Variants in SCMH1 observed in about 807,000 individuals in gnomAD.
SCMH1 encodes Scm polycomb group protein homolog 1, also known as polycomb protein SCMH1.
SCMH1 carries 37 observed loss-of-function variants against 70.8 expected under a neutral mutation model. That is an observed-to-expected ratio of 0.52 (90% CI 0.40 to 0.69). The LOEUF (loss-of-function observed/expected upper bound fraction) is 0.69. SCMH1 is among the 30% of genes least tolerant of loss of function. The pLI is 0.00. For missense variants in SCMH1, 607 were observed against 827.3 expected (o/e 0.73, Z 3.27); for synonymous variants, 292 against 307.4 (o/e 0.95, Z 0.52).
chr1:41,136,256 T>C (rs1311541030), intron 6 of SCMH1, among the ~76,000 whole-genome samples: 1 of 152,188 alleles, frequency 6.6e-6, no homozygotes, highest in East Asian at 1.9e-4. Flanking sequence ...ATGTTTTCTA[T>C]ATCTGTTTAA....
At chr1:41,236,130 G>A (rs889592172) in intron 1 of SCMH1, among the ~76,000 whole-genome samples, 12 of 152,138 alleles carry the variant, frequency 7.9e-5, no homozygotes, top group Non-Finnish European at 1.5e-4. Context: ...TGTAGTTTAT[G>A]TGTATTTTCA....
At chr1:41,232,140 T>C (rs1202868877) in intron 1 of SCMH1, among the ~76,000 whole-genome samples, 1 of 152,174 alleles carries the variant, frequency 6.6e-6, no homozygotes, top group Non-Finnish European at 1.5e-5. Context: ...GTAAAGTTAT[T>C]ATATCTGTCA....
intron 6 of SCMH1, among the ~76,000 whole-genome samples, chr1:41,135,644 A>G (rs546739963): frequency 1.3e-5 from 2 of 152,340 alleles, no homozygotes; most frequent in South Asian, 4.1e-4. Context: ...TAGCAGCAGG[A>G]GAACGGACTA....
At chr1:41,169,221 GA>G (rs1646625843) in intron 2 of SCMH1, among the ~76,000 whole-genome samples, 1 of 152,166 alleles carries the variant, frequency 6.6e-6, no homozygotes, top group South Asian at 2.1e-4. Context: ...GAGACATGAC[GA>G]AACTCCTTCC....
At chr1:41,236,842 C>T (rs1034028343) in intron 1 of SCMH1, among the ~76,000 whole-genome samples, 1 of 152,182 alleles carries the variant, frequency 6.6e-6, no homozygotes, top group Admixed American at 6.5e-5. Context: ...ATGCAACCAT[C>T]CTTTTTCCAT....
chr1:41,135,966 C>A (rs1234219691), intron 6 of SCMH1, among the ~76,000 whole-genome samples: 1 of 147,320 alleles, frequency 6.8e-6, no homozygotes, highest in Admixed American at 6.9e-5. Flanking sequence ...TTTTTTGAGA[C>A]AGGATCTCAC....
chr1:41,105,830 AAC>A (rs1667748212), intron 8 of SCMH1, among the ~76,000 whole-genome samples: 1 of 151,932 alleles, frequency 6.6e-6, no homozygotes, highest in African/African-American at 2.4e-5. Context: ...GTCCTTCTAA[AAC>A]ACAAATCTGA....
At chr1:41,182,156 A>G (rs1648973143) in intron 2 of SCMH1, among the ~76,000 whole-genome samples, 1 of 152,192 alleles carries the variant, frequency 6.6e-6, no homozygotes, top group African/African-American at 2.4e-5. Context: ...CAATGAGAAC[A>G]CATGGACACA....
At chr1:41,062,141 C>T (rs1216603844) in intron 10 of SCMH1, among the ~76,000 whole-genome samples, 1 of 152,030 alleles carries the variant, frequency 6.6e-6, no homozygotes, top group Admixed American at 6.5e-5. Flanking sequence ...GCTGGGATTA[C>T]AGGCGTGAGC....
At chr1:41,238,334 G>C (rs981407216) in intron 1 of SCMH1, among the ~76,000 whole-genome samples, 1 of 152,142 alleles carries the variant, frequency 6.6e-6, no homozygotes, top group Non-Finnish European at 1.5e-5. Context: ...CACTTTCCAA[G>C]ACTAAGAACA....
intron 1 of SCMH1, among the ~76,000 whole-genome samples, chr1:41,189,241 G>A (rs1384510007): frequency 2.6e-5 from 4 of 152,090 alleles, no homozygotes; most frequent in Non-Finnish European, 5.9e-5. Context: ...CCTCTGCCTC[G>A]CGGGTTCCAG....
At chr1:41,032,477 G>A (rs1371024179) in intron 13 of SCMH1, among the ~76,000 whole-genome samples, 1 of 152,176 alleles carries the variant, frequency 6.6e-6, no homozygotes, top group Non-Finnish European at 1.5e-5. Flanking sequence ...AACACTAAGA[G>A]GCATGGATGT....
chr1:41,058,930 T>C (rs979077088), intron 10 of SCMH1, among the ~76,000 whole-genome samples: 5 of 152,202 alleles, frequency 3.3e-5, no homozygotes, highest in Non-Finnish European at 7.3e-5. Flanking sequence ...GTGTGGAGTT[T>C]AAGAGCTAGA....
At chr1:41,075,328 T>G in exon 9 of SCMH1, 1 of 1,614,180 alleles carries the variant, frequency 6.2e-7, no homozygotes, top group Non-Finnish European at 8.5e-7. Flanking sequence ...CCGGCCCCGC[T>G]TCTTTCCTGG....
At chr1:41,149,029 G>C (rs1156271524) in intron 5 of SCMH1, among the ~76,000 whole-genome samples, 1 of 151,978 alleles carries the variant, frequency 6.6e-6, no homozygotes, top group South Asian at 2.1e-4. Flanking sequence ...CTGACTTCAC[G>C]ATCCGCCCAC....
intron 6 of SCMH1, among the ~76,000 whole-genome samples, chr1:41,131,509 C>A (rs1674700211): frequency 6.6e-6 from 1 of 152,130 alleles, no homozygotes; most frequent in Admixed American, 6.6e-5. Context: ...CAAACATTAT[C>A]TCCTAGTCTG....
At chr1:41,160,988 C>T (rs577842474) in intron 3 of SCMH1, 90 bp from the exon 4 acceptor site, 21 of 1,269,294 alleles carry the variant, frequency 1.7e-5, no homozygotes, top group Admixed American at 4.0e-5. Context: ...AATAGGAAAT[C>T]GAGTATTTGT....
chr1:41,124,642 CTG>C (rs1672745789), intron 6 of SCMH1, among the ~76,000 whole-genome samples: 1 of 151,744 alleles, frequency 6.6e-6, no homozygotes, highest in African/African-American at 2.4e-5. Flanking sequence ...GGGTCTTTCT[CTG>C]TTGCCCAGGC....
At chr1:41,166,709 T>C (rs1424673875) in intron 2 of SCMH1, among the ~76,000 whole-genome samples, 2 of 152,158 alleles carry the variant, frequency 1.3e-5, no homozygotes, top group Admixed American at 1.3e-4. Context: ...TCCTGCAACT[T>C]TCCTGGATTT....
Sources: allele counts gnomAD v4.1 joint callset (sites outside exome capture counted in the v4.1 genomes callset), GRCh38; gene constraint gnomAD v4.1.1; transcripts MANE v1.5; gene names NCBI Gene and HGNC (gene_info 2026-07-23, HGNC 2026-07-21).